The following TNNT3 variants were observed in gnomAD, a reference collection of about 807,000 sequenced individuals.
TNNT3 encodes troponin T3, fast skeletal type.
Under a neutral mutation model 54.2 loss-of-function variants are expected in TNNT3, and 36 were observed. The observed-to-expected ratio is 0.66, with a 90% CI of 0.51 to 0.88. The LOEUF is 0.88. TNNT3 is among the 40% of genes least tolerant of loss of function. The pLI is 0.00. For missense variants in TNNT3, 291 were observed against 331.6 expected, an observed-to-expected ratio of 0.88 and a Z score of 0.95; for synonymous variants, 120 against 109.7, an observed-to-expected ratio of 1.09 and a Z score of -0.59.
In TNNT3 at chr11:1,934,809, C is replaced by A. The variant is rs1854489212; in HGVS notation, c.591-20C>A. 6.2e-7 allele frequency: 1 copy of A among 1,612,270 alleles called. No individual in the cohort carries two copies. Among genetic ancestry groups the A allele is most frequent in the Admixed American group, 1.7e-5 (1 of 60,010 alleles). On this transcript the variant is annotated intron_variant, in intron 13 of 15. Coordinates refer to ENST00000278317, the MANE Select transcript of TNNT3 (RefSeq NM_006757.4). ...CTTTGGGGCTTATTCAACGAAGCCT[C>A]ACCACTTCCTCTGCCCCAGGGACAA...
At chr11:1,926,418 C>T in intron 5 of TNNT3, 3 of 1,612,386 alleles carry the variant, frequency 1.9e-6, no homozygotes, top group South Asian at 1.1e-5. Flanking sequence ...TCTCCATTGA[C>T]CTCTGACCCG....
intron 8 of TNNT3, among the ~76,000 whole-genome samples, chr11:1,931,245 G>T (rs1011528010): frequency 2.8e-4 from 42 of 152,248 alleles, no homozygotes; most frequent in African/African-American, 9.9e-4. Context: ...AATAACGCTG[G>T]TTGGAAAGCG....
chr11:1,926,744 C>A (rs1851721391), intron 6 of TNNT3, 35 bp downstream of exon 6: 1 of 1,612,874 alleles, frequency 6.2e-7, no homozygotes, highest in Admixed American at 1.7e-5. Context: ...AGGCCAGAGT[C>A]TCCGTCCTCC....
intron 9 of TNNT3, among the ~76,000 whole-genome samples, chr11:1,933,222 C>T (rs1288660934): frequency 6.7e-6 from 1 of 148,296 alleles, no homozygotes; most frequent in Non-Finnish European, 1.5e-5. Flanking sequence ...ATCATTCCTC[C>T]ACCCATCTAC....
chr11:1,932,534 G>A lies in TNNT3; in HGVS notation c.171+20G>A, dbSNP rs763652844. The stretch of plus-strand genomic sequence containing the variant: ...TTCGATGTAAGTTTACAGGACTCTG[G>A]TTAACATGTCCACGGTTTCCCCACA... On this transcript the variant is annotated intron_variant, in intron 9 of 15. Coordinates refer to ENST00000278317, the MANE Select transcript of TNNT3 (RefSeq NM_006757.4). 1 of 1,612,950 alleles carries A rather than the reference G, an allele frequency of 6.2e-7. No individual in the cohort carries two copies. Among genetic ancestry groups the A allele is most frequent in the Admixed American group, 1.7e-5 (1 of 60,018 alleles).
intron 7 of TNNT3, 35 bp downstream of exon 7, chr11:1,929,178 C>T: frequency 6.2e-7 from 1 of 1,611,204 alleles, no homozygotes; most frequent in Non-Finnish European, 8.5e-7. Flanking sequence ...AGGTGCAGGA[C>T]CCTGGCTCTA....
chr11:1,919,809 C>T (rs1188415367), intron 1 of TNNT3, 47 bp downstream of exon 1: 2 of 152,274 alleles, frequency 1.3e-5, no homozygotes, highest in African/African-American at 4.8e-5. Flanking sequence ...CCGACGGGGC[C>T]TCCTGCGTGC....
At chr11:1,935,301 G>A (rs1294429459) in intron 14 of TNNT3, 11 of 351,968 alleles carry the variant, frequency 3.1e-5, no homozygotes, top group Non-Finnish European at 5.6e-5. Context: ...GGGGCACCGA[G>A]TCCGTCTGGT....
rs1854501951 is a variant in TNNT3, at chr11:1,934,856, C to T, written c.618C>T (p.Thr206=). 1.2e-6 allele frequency: 2 copies of T among 1,613,488 alleles called. No homozygotes were observed. The highest frequency in any genetic ancestry group is 1.7e-6 in the Non-Finnish European group (2 of 1,180,044). The change falls in exon 14 of 16, where the codon ACC becomes ACT. Residue 206 remains threonine, a synonymous_variant. Transcript: ENST00000278317. ...ACAAGGCCAAGGAGCTCTGGGAGAC[C>T]CTGCACCAGCTGGAGATTGACAAGT... ...LRDKAKELWE[T]LHQLEIDKFE... is the part of the protein sequence containing the mutation.
At chr11:1,930,802 G>C (rs531127373) in intron 8 of TNNT3, among the ~76,000 whole-genome samples, 2 of 152,258 alleles carry the variant, frequency 1.3e-5, no homozygotes, top group African/African-American at 4.8e-5. Flanking sequence ...GCTGGATCAT[G>C]AGATATTTTC....
intron 8 of TNNT3, among the ~76,000 whole-genome samples, chr11:1,931,720 G>GTTT (rs572648117): frequency 5.0e-5 from 6 of 120,344 alleles, no homozygotes; most frequent in South Asian, 2.7e-4. Context: ...TCCATTTTCC[G>GTTT]TTTTTTTTTT....
In TNNT3 at chr11:1,929,844, T is replaced by C. The variant is rs1412714181; in HGVS notation, c.125+16T>C. On this transcript the variant is annotated intron_variant, in intron 8 of 15. Transcript: ENST00000278317. Reference sequence around the variant, plus strand: ...CGAGACCCAAGTGAGTGTGGGGTCCTGGCAGGCCCGCTGCTGAGTGTGTTC... The same window carrying C: ...CGAGACCCAAGTGAGTGTGGGGTCCCGGCAGGCCCGCTGCTGAGTGTGTTC... 3 of 1,510,350 alleles carry C rather than the reference T, an allele frequency of 2.0e-6. No individual in the cohort carries two copies. Among genetic ancestry groups the C allele is most frequent in the Non-Finnish European group, 2.7e-6 (3 of 1,124,882 alleles). 93.6% of individuals were successfully genotyped at this position (1,510,350 alleles called of 1,614,324 possible).
chr11:1,926,489 C>T, intron 5 of TNNT3: 3 of 1,613,240 alleles, frequency 1.9e-6, no homozygotes, highest in Non-Finnish European at 2.5e-6. Flanking sequence ...CAGGTACGTG[C>T]ATGACTTCGA....
At chr11:1,923,831 A>G (rs770689910) in intron 4 of TNNT3, among the ~76,000 whole-genome samples, 1 of 152,018 alleles carries the variant, frequency 6.6e-6, no homozygotes, top group Non-Finnish European at 1.5e-5. Flanking sequence ...ATCGATTAAT[A>G]TGCATTCACG....
At position 1,926,792 on chromosome 11, in the gene TNNT3, C is replaced by A. The variant is rs565784450; in HGVS notation, c.82+83C>A. The A allele has an allele frequency of 1.9e-5, 30 of 1,578,262 alleles. No individual in the cohort carries two copies. The East Asian group carries it at 6.5e-4, about 34-fold the overall frequency. Reference sequence around the variant, plus strand: ...CTTGCTTCCTCCCTCTTGCCCACCCCTTGTGACGTTTGCCACCAACAACTG... The same window carrying A: ...CTTGCTTCCTCCCTCTTGCCCACCCATTGTGACGTTTGCCACCAACAACTG... On this transcript the variant is annotated intron_variant, in intron 6 of 15. Coordinates refer to ENST00000278317, the MANE Select transcript of TNNT3 (RefSeq NM_006757.4).
Position 1,938,604 on chromosome 11 carries a change from C to A in TNNT3, c.*112C>A, listed in dbSNP as rs900876796. On this transcript the variant is annotated 3_prime_UTR_variant, in exon 16 of 16. Coordinates refer to ENST00000278317, the MANE Select transcript of TNNT3 (RefSeq NM_006757.4). ...CACAATCCTGTCAGGGGCTCCCTGA[C>A]AGTCCTGGGGGTGGAGAGGCCATCC... The A allele has an allele frequency of 8.4e-7, 1 of 1,188,148 alleles. No individual in the cohort carries two copies. Among genetic ancestry groups the A allele is most frequent in the Non-Finnish European group, 1.2e-6 (1 of 812,928 alleles). The allele number at this position is 1,188,148 out of a possible 1,614,324, so 73.6% of individuals were successfully genotyped here. A position where few individuals can be genotyped will look rare whatever the true frequency, so the allele number is the denominator to read the frequency against.
At position 1,925,089 on chromosome 11, in the gene TNNT3, C is replaced by T. The variant is rs374430284; in HGVS notation, c.50-10C>T. On this transcript the variant is annotated splice_polypyrimidine_tract_variant and intron_variant, in intron 4 of 15. Coordinates refer to ENST00000278317, the MANE Select transcript of TNNT3 (RefSeq NM_006757.4). ...CGCCTTCTCCTGCTCCTGGCTTCTC[C>T]GGCTCTCAGAGGAAGCCCAGGAGGA... The T allele has an allele frequency of 2.8e-5, 45 of 1,612,460 alleles. No individual in the cohort carries two copies. Among genetic ancestry groups the T allele is most frequent in the South Asian group, 2.1e-4 (19 of 90,906 alleles).
intron 14 of TNNT3, chr11:1,935,154 G>C (rs767986891): frequency 1.7e-6 from 1 of 599,196 alleles, no homozygotes; most frequent in South Asian, 1.9e-5. Context: ...GATGAACCTG[G>C]CCCCTTTGGG....
At chr11:1,923,748 T>A (rs995275291) in intron 4 of TNNT3, among the ~76,000 whole-genome samples, 176 bp downstream of exon 4, 1 of 152,110 alleles carries the variant, frequency 6.6e-6, no homozygotes, top group African/African-American at 2.4e-5. Flanking sequence ...CATCATTAAT[T>A]AATGATAAAT....
Sources: gnomAD v4.1 joint callset for allele counts (sites outside exome capture counted in the v4.1 genomes callset) on GRCh38, gnomAD v4.1.1 for gene constraint, MANE v1.5 for transcripts, NCBI Gene and HGNC (gene_info 2026-07-23, HGNC 2026-07-21) for gene names.